NPAT: variants seen among roughly 807,000 people sequenced by gnomAD.
NPAT encodes the protein nuclear protein, coactivator of histone transcription.
In NPAT, 52 loss-of-function variants were observed where a neutral mutation model predicts 130.7. The ratio of observed to expected loss-of-function variants is 0.40; its 90% confidence interval spans 0.32 to 0.50. The LOEUF (loss-of-function observed/expected upper bound fraction) is 0.50, where lower values mean the gene tolerates loss of function less well. Ranked by LOEUF, NPAT falls within the 20% of genes least tolerant of loss-of-function variation. The pLI, the probability that NPAT is intolerant of heterozygous loss-of-function variation, is 0.68. For missense variants in NPAT, 1,687 were observed against 1,662.6 expected (o/e 1.01, Z -0.26); for synonymous variants, 580 against 584.8 (o/e 0.99, Z 0.12).
chr11:108,210,088 A>C (rs2078370425), intron 1 of NPAT, among the ~76,000 whole-genome samples: 1 of 151,448 alleles, frequency 6.6e-6, no homozygotes, highest in South Asian at 2.1e-4. Flanking sequence ...CGAAAAAAAA[A>C]AGAGAATACT....
intron 7 of NPAT, among the ~76,000 whole-genome samples, chr11:108,187,415 A>G (rs1256695370): frequency 1.3e-5 from 2 of 152,206 alleles, no homozygotes; most frequent in Non-Finnish European, 2.9e-5. Context: ...TTGTACCACT[A>G]TACTCTAACC....
At chr11:108,222,231 T>C (rs940061601) in intron 1 of NPAT, among the ~76,000 whole-genome samples, 11 of 152,268 alleles carry the variant, frequency 7.2e-5, no homozygotes, top group South Asian at 2.1e-4. Context: ...GGCCTGACTT[T>C]CCTTCCGAAT....
intron 12 of NPAT, among the ~76,000 whole-genome samples, 170 bp from the exon 13 acceptor site, chr11:108,174,021 G>GTTACA (rs2077981466): frequency 6.6e-6 from 1 of 152,094 alleles, no homozygotes; most frequent in Non-Finnish European, 1.5e-5. Flanking sequence ...AAAATTTACA[G>GTTACA]GTACTTTCTA....
In NPAT at chr11:108,172,787, C is replaced by G. The variant is rs1011474995; in HGVS notation, c.2197G>C (p.Asp733His). ...TTGAGAGAGACGATATTTGATGCAT[C>G]TATCTCTGCTGAGTTGTTGCTAGAA... is the stretch of plus-strand genomic sequence containing the variant. The part of the protein sequence containing the change: ...KPSSNNSAEI[D>H]ASNIVSLKVI... The change falls in exon 13 of 18, where the codon GAT becomes CAT. Residue 733 changes from aspartate (D) to histidine (H), a missense_variant. By Grantham distance (81) the Asp-to-His change is moderately conservative (BLOSUM62 -1). This residue lies in a region of NPAT where 1,379 missense variants were observed against 1,346.6 expected (regional missense o/e 1.02). Transcript: ENST00000278612. 6.2e-7 allele frequency: 1 copy of G among 1,613,598 alleles called. No homozygotes were observed. Among genetic ancestry groups the G allele is most frequent in the African/African-American group, 1.3e-5 (1 of 74,920 alleles).
At chr11:108,205,791 C>G (rs184140399) in intron 1 of NPAT, among the ~76,000 whole-genome samples, 2 of 152,036 alleles carry the variant, frequency 1.3e-5, no homozygotes, top group African/African-American at 4.8e-5. Context: ...GCCTGTAATC[C>G]CAGCACTTTG....
At chr11:108,215,940 G>T (rs2078432314) in intron 1 of NPAT, among the ~76,000 whole-genome samples, 2 of 152,176 alleles carry the variant, frequency 1.3e-5, no homozygotes, top group African/African-American at 4.8e-5. Flanking sequence ...AAATTAATTA[G>T]ATCAAAGATA....
chr11:108,217,030 G>T (rs564346955), intron 1 of NPAT, among the ~76,000 whole-genome samples: 1 of 152,234 alleles, frequency 6.6e-6, no homozygotes, highest in African/African-American at 2.4e-5. Flanking sequence ...ATCAATTTCT[G>T]GCTGAGGACA....
intron 15 of NPAT, among the ~76,000 whole-genome samples, chr11:108,164,362 G>A (rs1316727056): frequency 6.6e-6 from 1 of 152,220 alleles, no homozygotes; most frequent in African/African-American, 2.4e-5. Flanking sequence ...TAAAAGTTGA[G>A]ATGGCTGGCT....
intron 1 of NPAT, among the ~76,000 whole-genome samples, chr11:108,209,979 G>GT (rs776227294): frequency 2.0e-5 from 3 of 148,880 alleles, no homozygotes; most frequent in Non-Finnish European, 4.5e-5. Flanking sequence ...AATAAGCAGA[G>GT]TATACATAAA....
chr11:108,182,967 G>T (rs941657730), intron 10 of NPAT, among the ~76,000 whole-genome samples: 4 of 152,114 alleles, frequency 2.6e-5, no homozygotes, highest in Non-Finnish European at 5.9e-5. Context: ...CAAAAACTTA[G>T]AACAGAGCAT....
intron 1 of NPAT, chr11:108,208,577 G>A (rs1160780169): frequency 1.2e-5 from 4 of 328,530 alleles, no homozygotes; most frequent in African/African-American, 2.5e-5. Flanking sequence ...AACAGGGTGA[G>A]ACCCTGTCTT....
At chr11:108,188,044 T>G in intron 7 of NPAT, 54 bp downstream of exon 7, 2 of 703,172 alleles carry the variant, frequency 2.8e-6, no homozygotes, top group Non-Finnish European at 4.2e-6. Flanking sequence ...ATGTAATTCT[T>G]TTTTTTTTTT....
At chr11:108,199,303 C>T (rs1401501821) in intron 1 of NPAT, among the ~76,000 whole-genome samples, 2 of 152,232 alleles carry the variant, frequency 1.3e-5, no homozygotes, top group East Asian at 3.9e-4. Flanking sequence ...ACTGGACCAG[C>T]TGCGGGGCTT....
At chr11:108,219,639 T>C (rs745432086) in intron 1 of NPAT, among the ~76,000 whole-genome samples, 3 of 152,158 alleles carry the variant, frequency 2.0e-5, no homozygotes, top group African/African-American at 4.8e-5. Flanking sequence ...AAGTTTCAAA[T>C]TGGGAAGATG....
At chr11:108,203,275 A>G (rs552470185) in intron 1 of NPAT, among the ~76,000 whole-genome samples, 63 of 152,322 alleles carry the variant, frequency 4.1e-4, no homozygotes, top group African/African-American at 1.5e-3. Context: ...CATTTCCAAT[A>G]GGAACTGAAA....
chr11:108,179,766 T>C lies in NPAT; in HGVS notation c.907-2676A>G, dbSNP rs183065758. Among the ~76,000 whole-genome samples the C allele has an allele frequency of 2.7e-3, 404 of 151,898 alleles. 3 individuals carry two copies. Among genetic ancestry groups the C allele is most frequent in the African/African-American group, 9.4e-3 (391 of 41,396 alleles). On this transcript the variant is annotated intron_variant, in intron 10 of 17. Transcript: ENST00000278612. ...GAGTTCAAGACCAGCCTGGGCAACA[T>C]AGGGAGACCTCACCTCTATAAATAG... is the stretch of plus-strand genomic sequence containing the variant.
chr11:108,160,063 T>C (rs530270950), intron 17 of NPAT, among the ~76,000 whole-genome samples: 2 of 151,670 alleles, frequency 1.3e-5, no homozygotes, highest in South Asian at 2.1e-4. Flanking sequence ...AGGCAGGGAA[T>C]TGCTTGAACT....
rs190751385 is a variant in NPAT, at chr11:108,202,546, G to C, written c.38-5126C>G. On this transcript the variant is annotated intron_variant, in intron 1 of 17. Transcript: ENST00000278612. ...GCTACCAGCCAGGTAGTTCTTAAAA[G>C]TTCTTAAAATCCTTCAGCAAGCCCT... 9.9e-5 allele frequency among the ~76,000 whole-genome samples: 15 copies of C among 152,274 alleles called. No homozygotes were observed. The East Asian group carries it at 2.9e-3, about 29-fold the overall frequency.
chr11:108,197,472 T>A (rs750825370), intron 1 of NPAT, 52 bp from the exon 2 acceptor site: 9 of 1,108,544 alleles, frequency 8.1e-6, no homozygotes, highest in Non-Finnish European at 1.2e-5. Flanking sequence ...GTACTTTTGG[T>A]TAAAACTGCT....
Sources: gnomAD v4.1 joint callset for allele counts (sites outside exome capture counted in the v4.1 genomes callset) on GRCh38, gnomAD v4.1.1 for gene constraint, gnomAD v4.1.1 regional missense constraint, MANE v1.5 for transcripts, NCBI Gene and HGNC (gene_info 2026-07-23, HGNC 2026-07-21) for gene names.